Variants in LHFPL6 observed in about 807,000 individuals in gnomAD.
The protein encoded by LHFPL6 is LHFPL tetraspan subfamily member 6 protein.
LHFPL6 carries 9 observed loss-of-function variants against 20.6 expected under a neutral mutation model. That is an observed-to-expected ratio of 0.44 (90% confidence interval 0.26 to 0.76). The LOEUF (loss-of-function observed/expected upper bound fraction) is 0.76. LHFPL6 is among the 30% of genes least tolerant of loss of function. The pLI, the probability that LHFPL6 is intolerant of heterozygous loss-of-function variation, is 0.20. For synonymous variants in LHFPL6, 105 were observed against 98.7 expected, an observed-to-expected ratio of 1.06 and a Z score of -0.38; for missense variants, 218 against 253.5, an observed-to-expected ratio of 0.86 and a Z score of 0.95.
At chr13:39,516,702 GGCCTCTGTAC>G (rs1204125072) in intron 2 of LHFPL6, among the ~76,000 whole-genome samples, 2 of 152,178 alleles carry the variant, frequency 1.3e-5, no homozygotes, top group Non-Finnish European at 2.9e-5. Context: ...CAAGGCACTT[GGCCTCTGTAC>G]GCCTCAATTA....
At chr13:39,420,563 C>T (rs1167734726) in intron 2 of LHFPL6, among the ~76,000 whole-genome samples, 2 of 152,110 alleles carry the variant, frequency 1.3e-5, no homozygotes, top group African/African-American at 2.4e-5. Context: ...TTTGTAGATA[C>T]TGAAGGAAGT....
chr13:39,540,281 A>G (rs1012905678), intron 2 of LHFPL6, among the ~76,000 whole-genome samples: 5 of 152,152 alleles, frequency 3.3e-5, no homozygotes, highest in Non-Finnish European at 5.9e-5. Context: ...ATACCATATT[A>G]GAGTCTTCTA....
At chr13:39,371,262 C>G (rs546461186) in intron 3 of LHFPL6, among the ~76,000 whole-genome samples, 2 of 152,050 alleles carry the variant, frequency 1.3e-5, no homozygotes, top group Non-Finnish European at 2.9e-5. Flanking sequence ...GGCAAAATAG[C>G]GAGACAAATT....
intron 2 of LHFPL6, among the ~76,000 whole-genome samples, chr13:39,403,847 C>A (rs569295813): frequency 1.3e-5 from 2 of 152,230 alleles, no homozygotes; most frequent in Non-Finnish European, 2.9e-5. Context: ...ATCATGTATC[C>A]CTTAGGCTTG....
At chr13:39,426,312 C>G (rs911080853) in intron 2 of LHFPL6, among the ~76,000 whole-genome samples, 61 of 152,008 alleles carry the variant, frequency 4.0e-4, no homozygotes, top group Non-Finnish European at 6.5e-4. Flanking sequence ...CCTCCACCTC[C>G]CGGGTTCAAG....
At chr13:39,490,904 C>T (rs564532766) in intron 2 of LHFPL6, among the ~76,000 whole-genome samples, 6 of 152,064 alleles carry the variant, frequency 3.9e-5, no homozygotes, top group South Asian at 2.1e-4. Context: ...CAAGTACTTC[C>T]GATTATTTCA....
chr13:39,546,940 T>A (rs761786146), intron 2 of LHFPL6, among the ~76,000 whole-genome samples: 3 of 152,070 alleles, frequency 2.0e-5, no homozygotes, highest in Non-Finnish European at 2.9e-5. Context: ...CTTTGAAGAC[T>A]AAAGATCCTT....
chr13:39,555,154 C>A (rs145562712), intron 2 of LHFPL6, among the ~76,000 whole-genome samples: 3 of 152,172 alleles, frequency 2.0e-5, no homozygotes, highest in African/African-American at 7.2e-5. Flanking sequence ...CACTCCTACT[C>A]GGAAACTGAC....
chr13:39,579,737 T>G (rs899710842), intron 2 of LHFPL6, among the ~76,000 whole-genome samples: 1 of 152,158 alleles, frequency 6.6e-6, no homozygotes, highest in African/African-American at 2.4e-5. Flanking sequence ...AAATATCACT[T>G]CAACATACAC....
chr13:39,510,872 A>ATT (rs71245386), intron 2 of LHFPL6, among the ~76,000 whole-genome samples: 109 of 150,556 alleles, frequency 7.2e-4, no homozygotes, highest in Middle Eastern at 3.4e-3. Flanking sequence ...ATTACTTTAA[A>ATT]TTTTTTTTTT....
In LHFPL6 at chr13:39,572,072, A is replaced by G. The variant is rs556232868; in HGVS notation, c.385+28760T>C. On this transcript the variant is annotated intron_variant, in intron 2 of 3. Coordinates refer to ENST00000379589, the MANE Select transcript of LHFPL6 (RefSeq NM_005780.3). ...ATTAAATCAGGGGCAAAGGACATGA[A>G]CTGGCCAAGGATACTGTATCACAGG... is the stretch of plus-strand genomic sequence containing the variant. Among the ~76,000 whole-genome samples, 8 of 152,342 alleles carry G rather than the reference A, an allele frequency of 5.3e-5. No homozygotes were observed. In the South Asian group the frequency reaches 1.7e-3, roughly 32 times the overall value.
chr13:39,387,547 C>CAAAAAAAAAAAAAAAAAAA (rs141082421), intron 2 of LHFPL6, among the ~76,000 whole-genome samples: 1 of 87,962 alleles, frequency 1.1e-5, no homozygotes, highest in Non-Finnish European at 2.1e-5. Context: ...GACTGTCTCA[C>CAAAAAAAAAAAAAAAAAAA]AAAAAAAAAA....
intron 2 of LHFPL6, among the ~76,000 whole-genome samples, chr13:39,407,113 C>CTAA (rs1871129432): frequency 6.6e-6 from 1 of 152,168 alleles, no homozygotes; most frequent in South Asian, 2.1e-4. Context: ...AAGCTTTGAG[C>CTAA]TAACATCCTT....
chr13:39,564,234 A>C (rs4943678), intron 2 of LHFPL6, among the ~76,000 whole-genome samples: 79,512 of 152,034 alleles, frequency 0.52, 22,222 homozygotes, highest in African/African-American at 0.72. Context: ...CCTAACACAC[A>C]ATTATAAATA....
intron 2 of LHFPL6, among the ~76,000 whole-genome samples, chr13:39,546,555 C>A (rs1283951186): frequency 6.6e-6 from 1 of 152,064 alleles, no homozygotes; most frequent in Non-Finnish European, 1.5e-5. Flanking sequence ...TAGGATAAAC[C>A]AGCCATCTGG....
intron 2 of LHFPL6, among the ~76,000 whole-genome samples, chr13:39,456,889 C>T (rs866327912): frequency 5.3e-5 from 8 of 151,946 alleles, no homozygotes; most frequent in Admixed American, 3.9e-4. Flanking sequence ...CTCCATCTCC[C>T]GGGTTCAAGC....
chr13:39,585,234 G>A (rs1322667788), intron 2 of LHFPL6, among the ~76,000 whole-genome samples: 1 of 152,236 alleles, frequency 6.6e-6, no homozygotes, highest in Non-Finnish European at 1.5e-5. Context: ...CATACATAGT[G>A]AGTCTTGCTA....
chr13:39,528,975 G>A (rs1870375248), intron 2 of LHFPL6, among the ~76,000 whole-genome samples: 1 of 152,216 alleles, frequency 6.6e-6, no homozygotes, highest in Non-Finnish European at 1.5e-5. Flanking sequence ...GGCAGTGCAA[G>A]TCAGCTTCTG....
At chr13:39,582,291 C>CT (rs1322158694) in intron 2 of LHFPL6, among the ~76,000 whole-genome samples, 5 of 152,232 alleles carry the variant, frequency 3.3e-5, no homozygotes, top group African/African-American at 4.8e-5. Context: ...CGCTCTCTTT[C>CT]TGTCTTACAT....
Sources: allele counts gnomAD v4.1 joint callset (sites outside exome capture counted in the v4.1 genomes callset), GRCh38; gene constraint gnomAD v4.1.1; transcripts MANE v1.5; gene names NCBI Gene and HGNC (gene_info 2026-07-23, HGNC 2026-07-21).